Variants in HIF3A observed in about 807,000 individuals in gnomAD.
The protein encoded by HIF3A is hypoxia inducible factor 3 subunit alpha.
In HIF3A, 41 loss-of-function variants were observed where a neutral mutation model predicts 67.2. The observed-to-expected ratio is 0.61, with a 90% CI of 0.48 to 0.79. The LOEUF (loss-of-function observed/expected upper bound fraction) is 0.79. Among genes scored for constraint, HIF3A ranks in the 30% least tolerant of loss-of-function variants. The pLI is 0.00. For synonymous variants in HIF3A, 356 were observed against 374.8 expected, an observed-to-expected ratio of 0.95 and a Z score of 0.58; for missense variants, 855 against 898.0, an observed-to-expected ratio of 0.95 and a Z score of 0.61.
At chr19:46,300,092 T>TA (rs1475548634) in intron 1 of HIF3A, among the ~76,000 whole-genome samples, 1 of 152,202 alleles carries the variant, frequency 6.6e-6, no homozygotes, top group Admixed American at 6.5e-5. Flanking sequence ...TCTGCCTCTT[T>TA]AAAAGGAGAG....
chr19:46,329,628 G>A, intron 12 of HIF3A, 150 bp downstream of exon 12: 3 of 962,086 alleles, frequency 3.1e-6, no homozygotes, highest in Non-Finnish European at 4.3e-6. Context: ...TGCCAAGTTT[G>A]TGCCAATCTC....
chr19:46,308,085 G>A, intron 3 of HIF3A, 136 bp from the exon 4 acceptor site: 1 of 745,150 alleles, frequency 1.3e-6, no homozygotes, highest in Admixed American at 1.8e-5. Flanking sequence ...TGGATGGATG[G>A]ACAAATGGAT....
At position 46,312,878 on chromosome 19, in the gene HIF3A, G is replaced by A. The variant is rs1260036545; in HGVS notation, c.1025+225G>A. ...AGGTATGTGTATGGGTGTGTAGACT[G>A]TTAATTTTTTTTTTTTTTTTTTTTT... On this transcript the variant is annotated intron_variant, in intron 8 of 14. Transcript: ENST00000377670. 4.8e-6 allele frequency: 4 copies of A among 838,270 alleles called. No homozygotes were observed. In the African/African-American group the frequency reaches 9.5e-5, roughly 20 times the overall value. The allele number at this position is 838,270 out of a possible 1,614,324, so 51.9% of individuals were successfully genotyped here.
chr19:46,320,633 C>A, intron 9 of HIF3A, 72 bp downstream of exon 9: 1 of 1,141,654 alleles, frequency 8.8e-7, no homozygotes, highest in Non-Finnish European at 1.3e-6. Context: ...AGCACCTTAA[C>A]ATGGCTCACC....
At chr19:46,312,855 G>A (rs1182329452) in intron 8 of HIF3A, 1 of 1,260,250 alleles carries the variant, frequency 7.9e-7, no homozygotes, top group East Asian at 3.9e-5. Context: ...ATGGACACAG[G>A]TATGTGTATG....
chr19:46,330,555 G>T (rs1258187318), intron 12 of HIF3A, among the ~76,000 whole-genome samples: 1 of 150,286 alleles, frequency 6.7e-6, no homozygotes, highest in Non-Finnish European at 1.5e-5. Flanking sequence ...GATGGATGGT[G>T]GATGGATGGT....
chr19:46,298,266 A>G (rs1030318308), intron 1 of HIF3A: 2 of 478,294 alleles, frequency 4.2e-6, no homozygotes, highest in Non-Finnish European at 7.1e-6. Flanking sequence ...GGGCCTAACA[A>G]GGAACTCTAT....
At chr19:46,312,078 G>A in intron 6 of HIF3A, 83 bp from the exon 7 acceptor site, 1 of 970,886 alleles carries the variant, frequency 1.0e-6, no homozygotes, top group Non-Finnish European at 1.7e-6. Context: ...TTGTTCCTGT[G>A]TCCTCTGCTG....
chr19:46,312,712 G>GGTGTGTGTGTGTGT (rs112839120), intron 8 of HIF3A, 59 bp downstream of exon 8: 87 of 1,433,488 alleles, frequency 6.1e-5, no homozygotes, highest in Admixed American at 3.6e-4. Flanking sequence ...TGTGTGGACA[G>GGTGTGTGTGTGTGT]GTGTGTGTGT....
At chr19:46,328,018 C>T (rs963391375) in intron 11 of HIF3A, among the ~76,000 whole-genome samples, 9 of 152,322 alleles carry the variant, frequency 5.9e-5, no homozygotes, top group African/African-American at 2.2e-4. Context: ...ATTGCATAGG[C>T]ATGATTGAGC....
At chr19:46,305,529 C>A in intron 3 of HIF3A, 139 bp downstream of exon 3, 1 of 885,912 alleles carries the variant, frequency 1.1e-6, no homozygotes, top group Non-Finnish European at 1.7e-6. Context: ...GACAGGAAGA[C>A]CCAGAATGGT....
In HIF3A at chr19:46,331,177, G is replaced by C. The variant is rs1971185852; in HGVS notation, c.1734G>C (p.Glu578Asp). The C allele has an allele frequency of 3.1e-6, 5 of 1,613,674 alleles. No homozygotes were observed. In the South Asian group the frequency reaches 4.4e-5, roughly 14 times the overall value. ...ARKRTLAQSS[E>D]DEDEGVELLG... is the part of the protein sequence containing the mutation. ...CCAGGACCCTGGCCCAGAGCTCAGAGGACGAGGACGAGGGAGTGGAGCTGC... is the reference window on the plus strand; with the variant it reads ...CCAGGACCCTGGCCCAGAGCTCAGACGACGAGGACGAGGGAGTGGAGCTGC... Residue 578 changes from glutamate to aspartate, a missense_variant, in exon 13 of 15, where the codon GAG (glutamate) becomes GAC (aspartate). By Grantham distance (45) the Glu-to-Asp change is conservative. Transcript: ENST00000377670.
intron 10 of HIF3A, among the ~76,000 whole-genome samples, chr19:46,325,105 TC>T (rs1223529258): frequency 6.6e-6 from 1 of 150,724 alleles, no homozygotes; most frequent in Admixed American, 6.6e-5. Context: ...CAAGCCATTC[TC>T]CTGCCTCAGC....
intron 8 of HIF3A, 89 bp downstream of exon 8, chr19:46,312,742 T>C: frequency 6.7e-7 from 1 of 1,495,118 alleles, no homozygotes; most frequent in Non-Finnish European, 8.9e-7. Context: ...TGTGTGCGTA[T>C]GAGCATGCAT....
chr19:46,312,635 G>A lies in HIF3A; in HGVS notation c.1007G>A (p.Cys336Tyr). 6.4e-7 allele frequency: 1 copy of A among 1,563,794 alleles called. No individual in the cohort carries two copies. The highest frequency in any genetic ancestry group is 8.7e-7 in the Non-Finnish European group (1 of 1,154,334). ...GRGPQSESIV[C>Y]VHFLISQVEE... ...GGCCCCCAGTCGGAGAGTATCGTCTGTGTCCATTTTTTAATCAGGTAAGCA... is the reference window on the plus strand; with the variant it reads ...GGCCCCCAGTCGGAGAGTATCGTCTATGTCCATTTTTTAATCAGGTAAGCA... The change falls in exon 8 of 15, where the codon TGT (cysteine) becomes TAT (tyrosine). Residue 336 changes from cysteine to tyrosine, a missense_variant. Transcript: ENST00000377670.
intron 8 of HIF3A, among the ~76,000 whole-genome samples, chr19:46,317,669 A>AT (rs1251337227): frequency 1.3e-5 from 2 of 151,960 alleles, no homozygotes; most frequent in African/African-American, 4.8e-5. Flanking sequence ...GGTGTCCCCC[A>AT]TGCCCATTTT....
At chr19:46,327,365 G>GAAT (rs1262083177) in intron 11 of HIF3A, among the ~76,000 whole-genome samples, 2 of 150,494 alleles carry the variant, frequency 1.3e-5, no homozygotes, top group Non-Finnish European at 3.0e-5. Context: ...ACCCAAGCTG[G>GAAT]AATTCAGTGA....
At chr19:46,315,922 A>T (rs560293047) in intron 8 of HIF3A, among the ~76,000 whole-genome samples, 175 of 148,344 alleles carry the variant, frequency 1.2e-3, no homozygotes, top group South Asian at 8.4e-3. Context: ...TCAAAAAATT[A>T]AAAAAAAGAA....
Position 46,325,536 on chromosome 19 carries a change from C to G in HIF3A, c.1337C>G (p.Ala446Gly). ...AGTTTCTACTCCATCTCTCCACAGG[C>G]TGATCTCCCAGATGAACTACCTGTG... ...ATRHPQSPLSADLPDELPVGT... is the reference protein window; with the variant it reads ...ATRHPQSPLSGDLPDELPVGT... The change falls in exon 11 of 15, where the codon GCT becomes GGT. Residue 446 changes from alanine (A) to glycine (G), a missense_variant and splice_region_variant. Physicochemically the swap from Ala to Gly is moderately conservative, Grantham distance 60. Coordinates refer to ENST00000377670, the MANE Select transcript of HIF3A (RefSeq NM_152795.4). The G allele has an allele frequency of 6.2e-7, 1 of 1,609,956 alleles. No homozygotes were observed. The highest frequency in any genetic ancestry group is 1.1e-5 in the South Asian group (1 of 90,992).
Sources: allele counts gnomAD v4.1 joint callset (sites outside exome capture counted in the v4.1 genomes callset), GRCh38; gene constraint gnomAD v4.1.1; transcripts MANE v1.5; gene names NCBI Gene and HGNC (gene_info 2026-07-23, HGNC 2026-07-21).